Variants in MYLK observed in about 807,000 individuals in gnomAD.
MYLK encodes the protein myosin light chain kinase.
A neutral mutation model predicts 203.4 loss-of-function variants in MYLK; 106 were observed. The ratio of observed to expected loss-of-function variants is 0.52; its 90% CI spans 0.45 to 0.61. The LOEUF (loss-of-function observed/expected upper bound fraction) is 0.61, where lower values mean the gene tolerates loss of function less well. Ranked by LOEUF, MYLK falls within the 20% of genes least tolerant of loss-of-function variation. The pLI, the probability that MYLK is intolerant of heterozygous loss-of-function variation, is 0.00. For synonymous variants in MYLK, 867 were observed against 959.5 expected (o/e 0.90, Z 1.78); for missense variants, 2,072 against 2,442.3 (o/e 0.85, Z 3.20).
At chr3:123,666,497 G>A in intron 21 of MYLK, 151 bp from the exon 22 acceptor site, 1 of 1,112,856 alleles carries the variant, frequency 9.0e-7, no homozygotes, top group African/African-American at 1.5e-5. Context: ...CCTGCTGCAG[G>A]ACATCCAAGT....
intron 31 of MYLK, chr3:123,623,040 T>A (rs1186981023): frequency 6.6e-6 from 1 of 152,260 alleles, no homozygotes; most frequent in Non-Finnish European, 1.5e-5. Context: ...CATCCTGGCT[T>A]GCCCAGGCAG....
chr3:123,641,715 G>A (rs879790421), intron 27 of MYLK, among the ~76,000 whole-genome samples: 9 of 147,156 alleles, frequency 6.1e-5, no homozygotes, highest in South Asian at 2.1e-4. Context: ...CCTTCCTTCC[G>A]TCCTTCCTTC....
At chr3:123,636,737 C>T (rs965404542) in intron 29 of MYLK, among the ~76,000 whole-genome samples, 5 of 152,136 alleles carry the variant, frequency 3.3e-5, no homozygotes, top group African/African-American at 4.8e-5. Flanking sequence ...CAAGAGGGGG[C>T]GGGGCAGGGA....
At chr3:123,790,229 GCAC>G in intron 4 of MYLK, among the ~76,000 whole-genome samples, 2 of 152,344 alleles carry the variant, frequency 1.3e-5, no homozygotes, top group East Asian at 3.9e-4. Flanking sequence ...AAATATGAGA[GCAC>G]CAGTGATGTC....
chr3:123,881,321 G>A (rs2033522541), intron 1 of MYLK, among the ~76,000 whole-genome samples: 2 of 152,266 alleles, frequency 1.3e-5, no homozygotes, highest in South Asian at 2.1e-4. Context: ...CATGCAAATG[G>A]CCCTGCCTCA....
intron 3 of MYLK, chr3:123,800,155 G>T (rs892623048): frequency 2.0e-5 from 3 of 152,174 alleles, no homozygotes; most frequent in African/African-American, 7.2e-5. Flanking sequence ...ATGGAGTCCT[G>T]GGGGAGCCAG....
At chr3:123,883,091 G>A (rs1323177953) in intron 1 of MYLK, among the ~76,000 whole-genome samples, 3 of 152,162 alleles carry the variant, frequency 2.0e-5, no homozygotes, top group Non-Finnish European at 2.9e-5. Context: ...CCCACCATCT[G>A]GAAATAATTT....
chr3:123,610,602 C>CCTAA lies in MYLK; in HGVS notation c.*3499_*3502dup, dbSNP rs1315868762. 6 of 152,224 alleles carry CCTAA rather than the reference C, an allele frequency of 3.9e-5. No individual in the cohort carries two copies. Among genetic ancestry groups the CCTAA allele is most frequent in the South Asian group, 2.1e-4 (1 of 4,836 alleles). The allele number at this position is 152,224 out of a possible 1,614,324, so 9.4% of individuals were successfully genotyped here. ...CTAACCAGGAAGCCGAGAGTGAAGC[C>CCTAA]CTAACTCTGTGCAGAGATCCTTAGC... On this transcript the variant is annotated 3_prime_UTR_variant, in exon 34 of 34. Transcript: ENST00000360304.
chr3:123,846,305 T>C (rs540842761), intron 2 of MYLK, among the ~76,000 whole-genome samples: 1 of 152,364 alleles, frequency 6.6e-6, no homozygotes, highest in South Asian at 2.1e-4. Context: ...AAACACTGTA[T>C]ATATAGTGTT....
intron 13 of MYLK, among the ~76,000 whole-genome samples, chr3:123,713,579 A>ATGTGTGTG (rs3085274): frequency 2.4e-4 from 33 of 136,474 alleles, no homozygotes; most frequent in African/African-American, 9.0e-4. Flanking sequence ...GAGCAACACA[A>ATGTGTGTG]TGTGTGTGTG....
intron 3 of MYLK, among the ~76,000 whole-genome samples, chr3:123,794,312 T>C (rs1318123553): frequency 2.0e-5 from 3 of 151,938 alleles, no homozygotes; most frequent in African/African-American, 7.3e-5. Flanking sequence ...TATAGAAAAA[T>C]GGGATCCATA....
At chr3:123,873,740 A>G (rs1322456088) in intron 2 of MYLK, among the ~76,000 whole-genome samples, 1 of 152,160 alleles carries the variant, frequency 6.6e-6, no homozygotes, top group Non-Finnish European at 1.5e-5. Context: ...AGATTTAGCT[A>G]GCTACTAATC....
chr3:123,619,888 A>G (rs2057748104), intron 32 of MYLK, among the ~76,000 whole-genome samples: 1 of 152,214 alleles, frequency 6.6e-6, no homozygotes, highest in Admixed American at 6.5e-5. Context: ...CACTTTTGCC[A>G]TAAGAACAAA....
intron 3 of MYLK, among the ~76,000 whole-genome samples, chr3:123,813,016 T>C (rs1269431783): frequency 6.6e-6 from 1 of 152,072 alleles, no homozygotes; most frequent in Non-Finnish European, 1.5e-5. Context: ...TGCTCAGTAA[T>C]GGGGTTCCCA....
chr3:123,855,740 C>T (rs533143882), intron 2 of MYLK, among the ~76,000 whole-genome samples: 1 of 152,030 alleles, frequency 6.6e-6, no homozygotes, highest in African/African-American at 2.4e-5. Flanking sequence ...CTAACTGGTG[C>T]CCCAGAAGCA....
intron 23 of MYLK, among the ~76,000 whole-genome samples, chr3:123,658,777 T>C (rs996437349): frequency 6.6e-6 from 1 of 152,220 alleles, no homozygotes; most frequent in Admixed American, 6.5e-5. Flanking sequence ...CAAATGACCC[T>C]GTGTATATGG....
Position 123,638,214 on chromosome 3 carries a change from G to C in MYLK, c.4838-20C>G, listed in dbSNP as rs2058712632. ...CATTCTCTGAAACCAGGATGGAGAG[G>C]GATAAATTGCCAGCACATCACGGAG... On this transcript the variant is annotated intron_variant, in intron 28 of 33. Coordinates refer to ENST00000360304, the MANE Select transcript of MYLK (RefSeq NM_053025.4). 1 of 1,613,354 alleles carries C rather than the reference G, an allele frequency of 6.2e-7. No homozygotes were observed. Among genetic ancestry groups the C allele is most frequent in the African/African-American group, 1.3e-5 (1 of 74,892 alleles).
At chr3:123,711,443 G>A (rs952967702) in intron 13 of MYLK, among the ~76,000 whole-genome samples, 2 of 152,188 alleles carry the variant, frequency 1.3e-5, no homozygotes, top group East Asian at 1.9e-4. Context: ...AGGAGGGTGA[G>A]AGGCCTGGCG....
At chr3:123,829,225 A>G (rs2066240361) in intron 3 of MYLK, among the ~76,000 whole-genome samples, 1 of 152,230 alleles carries the variant, frequency 6.6e-6, no homozygotes, top group South Asian at 2.1e-4. Context: ...GATAAATAAA[A>G]TGTTGTATAG....
Sources: gnomAD v4.1 joint callset for allele counts (sites outside exome capture counted in the v4.1 genomes callset) on GRCh38, gnomAD v4.1.1 for gene constraint, MANE v1.5 for transcripts, NCBI Gene and HGNC (gene_info 2026-07-23, HGNC 2026-07-21) for gene names.